Variants in PDE3A observed in about 807,000 individuals in gnomAD.
PDE3A encodes cGMP-inhibited 3',5'-cyclic phosphodiesterase 3A.
PDE3A carries 43 observed loss-of-function variants against 98.3 expected under a neutral mutation model. The observed-to-expected ratio is 0.44, with a 90% CI of 0.34 to 0.56. The LOEUF is 0.56. Ranked by LOEUF, PDE3A falls within the 20% of genes least tolerant of loss-of-function variation. PDE3A has a pLI of 0.01. For missense variants in PDE3A, 1,427 were observed against 1,440.7 expected (o/e 0.99, Z 0.15); for synonymous variants, 663 against 567.9 (o/e 1.17, Z -2.38).
chr12:20,439,953 A>G (rs1035577906), intron 1 of PDE3A, among the ~76,000 whole-genome samples: 3 of 152,162 alleles, frequency 2.0e-5, no homozygotes, highest in Non-Finnish European at 2.9e-5. Flanking sequence ...ATTTCCCTAC[A>G]TAGTTTGATA....
At chr12:20,621,150 C>G (rs1183103160) in intron 4 of PDE3A, 146 bp from the exon 5 acceptor site, 2 of 611,012 alleles carry the variant, frequency 3.3e-6, no homozygotes, top group Non-Finnish European at 5.9e-6. Context: ...TTTGGAAGTA[C>G]AGTGGTTCTG....
chr12:20,415,612 A>T (rs1215200875), intron 1 of PDE3A, among the ~76,000 whole-genome samples: 1 of 151,768 alleles, frequency 6.6e-6, no homozygotes, highest in African/African-American at 2.4e-5. Flanking sequence ...TAATTTTTGT[A>T]TTTTAGTAGA....
intron 1 of PDE3A, among the ~76,000 whole-genome samples, chr12:20,383,406 C>T (rs376712248): frequency 6.6e-6 from 1 of 151,902 alleles, no homozygotes; most frequent in African/African-American, 2.4e-5. Context: ...CTGTATAATA[C>T]AGCTAAGCCC....
intron 1 of PDE3A, among the ~76,000 whole-genome samples, chr12:20,491,353 C>T (rs1292735310): frequency 6.6e-6 from 1 of 152,186 alleles, no homozygotes; most frequent in Non-Finnish European, 1.5e-5. Flanking sequence ...TTCGTGTTTT[C>T]TTCTGGGAAC....
intron 2 of PDE3A, among the ~76,000 whole-genome samples, chr12:20,584,999 T>A (rs1186606768): frequency 1.3e-5 from 2 of 152,224 alleles, no homozygotes. Flanking sequence ...ACGTTAGAAC[T>A]TTTTGCTCAT....
chr12:20,519,143 T>C (rs893670968), intron 1 of PDE3A, among the ~76,000 whole-genome samples: 3 of 152,222 alleles, frequency 2.0e-5, no homozygotes, highest in Admixed American at 1.3e-4. Flanking sequence ...AGGAGTTCTT[T>C]AACTTTGCCA....
At chr12:20,673,315 G>A (rs370145950) in intron 15 of PDE3A, among the ~76,000 whole-genome samples, 9 of 149,044 alleles carry the variant, frequency 6.0e-5, no homozygotes, top group South Asian at 2.2e-4. Context: ...ATCTAGAACT[G>A]GAAATACCAT....
chr12:20,608,270 A>G (rs1356986813), intron 2 of PDE3A, among the ~76,000 whole-genome samples: 1 of 152,194 alleles, frequency 6.6e-6, no homozygotes, highest in African/African-American at 2.4e-5. Context: ...TATTTGAGCA[A>G]AAAAGTGGTA....
chr12:20,562,975 T>C lies in PDE3A; in HGVS notation c.1011+6265T>C, dbSNP rs1034558501. On this transcript the variant is annotated intron_variant, in intron 2 of 15. Transcript: ENST00000359062. ...AGACTATCATCAGTATGCTTACAAA[T>C]GACCCATGGCCTATTTTGGAGCAGG... is the stretch of plus-strand genomic sequence containing the variant. Among the ~76,000 whole-genome samples, 16 of 152,312 alleles carry C rather than the reference T, an allele frequency of 1.1e-4. No individual in the cohort carries two copies. The South Asian group carries it at 3.1e-3, about 30-fold the overall frequency.
chr12:20,377,758 A>G (rs1338763141), intron 1 of PDE3A, among the ~76,000 whole-genome samples: 1 of 151,148 alleles, frequency 6.6e-6, no homozygotes, highest in Non-Finnish European at 1.5e-5. Flanking sequence ...TCGGAGGGGG[A>G]GATTTAGCAG....
intron 1 of PDE3A, among the ~76,000 whole-genome samples, chr12:20,551,222 C>T (rs973352762): frequency 5.9e-5 from 9 of 151,838 alleles, no homozygotes; most frequent in Admixed American, 5.9e-4. Context: ...GTTGTTCTCA[C>T]TCTTCCCTCA....
intron 1 of PDE3A, among the ~76,000 whole-genome samples, chr12:20,373,157 T>A (rs1361553162): frequency 6.6e-6 from 1 of 152,098 alleles, no homozygotes; most frequent in Admixed American, 6.6e-5. Context: ...TTTAAAGAAC[T>A]ATAAAGTTTG....
intron 1 of PDE3A, among the ~76,000 whole-genome samples, chr12:20,509,487 A>T (rs1476302273): frequency 6.6e-6 from 1 of 151,908 alleles, no homozygotes. Context: ...AGATCTATTT[A>T]CCCTAGAAGT....
chr12:20,471,752 G>T (rs1056627643), intron 1 of PDE3A, among the ~76,000 whole-genome samples: 7 of 152,028 alleles, frequency 4.6e-5, no homozygotes, highest in African/African-American at 1.7e-4. Context: ...AAGATGTAAT[G>T]GGTTTTAGAT....
intron 2 of PDE3A, among the ~76,000 whole-genome samples, chr12:20,581,175 A>G (rs1468405485): frequency 6.6e-6 from 1 of 152,218 alleles, no homozygotes; most frequent in Non-Finnish European, 1.5e-5. Context: ...TTAACAGAAT[A>G]AAGGCAAACC....
At chr12:20,575,302 T>C (rs1484290194) in intron 2 of PDE3A, among the ~76,000 whole-genome samples, 2 of 152,098 alleles carry the variant, frequency 1.3e-5, no homozygotes, top group Non-Finnish European at 2.9e-5. Flanking sequence ...TCAGCTTACC[T>C]AATTTATCTT....
chr12:20,465,565 G>C (rs1945328010), intron 1 of PDE3A, among the ~76,000 whole-genome samples: 1 of 151,852 alleles, frequency 6.6e-6, no homozygotes, highest in South Asian at 2.1e-4. Flanking sequence ...GCGCGCCACT[G>C]TGCCTGGCTA....
intron 1 of PDE3A, among the ~76,000 whole-genome samples, chr12:20,518,134 C>T (rs2121139929): frequency 6.6e-6 from 1 of 152,130 alleles, no homozygotes; most frequent in African/African-American, 2.4e-5. Context: ...ACGTATTTGC[C>T]CCATAAGGGT....
At chr12:20,531,484 G>T (rs945085852) in intron 1 of PDE3A, among the ~76,000 whole-genome samples, 1 of 152,118 alleles carries the variant, frequency 6.6e-6, no homozygotes, top group Non-Finnish European at 1.5e-5. Context: ...TAGATAAGAA[G>T]GTACTCCTCT....
Sources: allele counts gnomAD v4.1 joint callset (sites outside exome capture counted in the v4.1 genomes callset), GRCh38; gene constraint gnomAD v4.1.1; transcripts MANE v1.5; gene names NCBI Gene and HGNC (gene_info 2026-07-23, HGNC 2026-07-21).